Variants in GDPD1 observed in about 807,000 individuals in gnomAD.
GDPD1 encodes glycerophosphodiester phosphodiesterase domain containing 1.
GDPD1 carries 28 observed loss-of-function variants against 45.1 expected under a neutral mutation model. The observed-to-expected ratio is 0.62, with a 90% CI of 0.46 to 0.85. GDPD1 has a LOEUF of 0.85. GDPD1 is among the 40% of genes least tolerant of loss of function. The pLI is 0.00. For synonymous variants in GDPD1, 139 were observed against 131.4 expected (o/e 1.06, Z -0.40); for missense variants, 256 against 364.8 (o/e 0.70, Z 2.43).
intron 1 of GDPD1, among the ~76,000 whole-genome samples, chr17:59,229,193 G>A (rs369464304): frequency 1.0e-4 from 15 of 148,498 alleles, no homozygotes; most frequent in Middle Eastern, 7.0e-3. Flanking sequence ...TCGCTCTGTC[G>A]CCCAGGCTGG....
At chr17:59,253,069 G>T (rs1456016882) in intron 4 of GDPD1, among the ~76,000 whole-genome samples, 1 of 151,264 alleles carries the variant, frequency 6.6e-6, no homozygotes, top group Non-Finnish European at 1.5e-5. Context: ...TTTTTTTCAT[G>T]GAAAACACAA....
At chr17:59,250,876 T>G (rs905614545) in intron 4 of GDPD1, among the ~76,000 whole-genome samples, 2 of 152,066 alleles carry the variant, frequency 1.3e-5, no homozygotes, top group African/African-American at 4.8e-5. Flanking sequence ...ATTTTTGTAT[T>G]TTTAGTAGAG....
At chr17:59,263,417 T>C (rs1185367773) in intron 6 of GDPD1, among the ~76,000 whole-genome samples, 3 of 151,988 alleles carry the variant, frequency 2.0e-5, no homozygotes, top group Non-Finnish European at 4.4e-5. Flanking sequence ...CTCAATAAAA[T>C]TTGTCTTTCA....
intron 6 of GDPD1, among the ~76,000 whole-genome samples, chr17:59,264,247 G>T (rs923170245): frequency 6.6e-6 from 1 of 151,706 alleles, no homozygotes; most frequent in Non-Finnish European, 1.5e-5. Flanking sequence ...TGATCCACCC[G>T]CCTCAGCCTC....
intron 1 of GDPD1, among the ~76,000 whole-genome samples, chr17:59,229,639 A>C (rs578159710): frequency 1.2e-4 from 18 of 152,284 alleles, no homozygotes; most frequent in African/African-American, 3.9e-4. Context: ...CTGGGATTAC[A>C]GGCATGAGCC....
rs546977004 is a variant in GDPD1 at position 59,220,577 on chromosome 17, C to T, written c.-33C>T. 2 of 1,605,950 alleles carry T rather than the reference C, an allele frequency of 1.2e-6. No homozygotes were observed. The highest frequency in any genetic ancestry group is 2.2e-5 in the East Asian group (1 of 44,540). On this transcript the variant is annotated 5_prime_UTR_variant, in exon 1 of 10. Coordinates refer to ENST00000284116, the MANE Select transcript of GDPD1 (RefSeq NM_182569.4). ...CTGCCGCAGCGGAGTTCAGAGGGCC[C>T]GGAGGTGGGAGACTTCCCACACGGT...
In GDPD1 at chr17:59,257,811, T is replaced by C; in HGVS notation, c.547T>C (p.Tyr183His). 6.2e-7 allele frequency: 1 copy of C among 1,603,634 alleles called. No homozygotes were observed. Among genetic ancestry groups the C allele is most frequent in the Non-Finnish European group, 8.5e-7 (1 of 1,174,736 alleles). ...CTTAACAGTGTGGGGTAATGCCAAT[T>C]ATGAAATTGTAGAAAAGTGCTACAA... is the stretch of plus-strand genomic sequence containing the variant. ...EHLTVWGNAN[Y>H]EIVEKCYKEN... The change falls in exon 6 of 10, where the codon TAT (tyrosine) becomes CAT (histidine). Residue 183 changes from tyrosine to histidine, a missense_variant. Tyr to His is a moderately conservative substitution (Grantham distance 83, BLOSUM62 2). Transcript: ENST00000284116.
intron 8 of GDPD1, among the ~76,000 whole-genome samples, chr17:59,271,800 G>T (rs568137642): frequency 9.9e-5 from 15 of 151,540 alleles, no homozygotes; most frequent in African/African-American, 3.1e-4. Context: ...TGCCTGGTTA[G>T]TTTTTGTATT....
At chr17:59,240,409 C>A (rs77714473) in intron 2 of GDPD1, among the ~76,000 whole-genome samples, 1 of 151,752 alleles carries the variant, frequency 6.6e-6, no homozygotes, top group Admixed American at 6.6e-5. Context: ...GGTATTATTA[C>A]GAAAGAGTCA....
chr17:59,253,888 A>G (rs969917055), intron 4 of GDPD1, among the ~76,000 whole-genome samples: 5 of 152,008 alleles, frequency 3.3e-5, no homozygotes, highest in Non-Finnish European at 7.4e-5. Flanking sequence ...TATCACAACA[A>G]TGTGAGATGT....
At chr17:59,235,088 T>TTAA (rs1283808594) in intron 2 of GDPD1, among the ~76,000 whole-genome samples, 2 of 152,050 alleles carry the variant, frequency 1.3e-5, no homozygotes, top group Non-Finnish European at 2.9e-5. Flanking sequence ...TGAAAACTAA[T>TTAA]TAATACCTCG....
At chr17:59,234,360 C>CA (rs1472491452) in intron 1 of GDPD1, 132 bp from the exon 2 acceptor site, 42 of 602,538 alleles carry the variant, frequency 7.0e-5, no homozygotes, top group South Asian at 4.0e-4. Flanking sequence ...CAAAAAAACC[C>CA]AAAAAAACAC....
chr17:59,254,731 C>CT (rs2047283516), intron 4 of GDPD1, among the ~76,000 whole-genome samples: 1 of 152,280 alleles, frequency 6.6e-6, no homozygotes, highest in African/African-American at 2.4e-5. Context: ...TCAGACATGA[C>CT]TGATTCCAGT....
intron 6 of GDPD1, among the ~76,000 whole-genome samples, chr17:59,262,885 C>T (rs2047368669): frequency 6.6e-6 from 1 of 152,130 alleles, no homozygotes; most frequent in South Asian, 2.1e-4. Flanking sequence ...ACCTCGGCCT[C>T]CCACAGTGCT....
At chr17:59,267,666 G>GT (rs1306735883) in intron 7 of GDPD1, among the ~76,000 whole-genome samples, 1 of 150,814 alleles carries the variant, frequency 6.6e-6, no homozygotes. Flanking sequence ...TTTTATAGTG[G>GT]TTTTTTGTTT....
rs1262722265 is a variant in GDPD1, at chr17:59,275,815, GAAT to G, written c.*2048_*2050del. 2 of 152,178 alleles carry G rather than the reference GAAT, an allele frequency of 1.3e-5. No individual in the cohort carries two copies. Among genetic ancestry groups the G allele is most frequent in the Non-Finnish European group, 2.9e-5 (2 of 68,078 alleles). The allele number at this position is 152,178 out of a possible 1,614,324, so 9.4% of individuals were successfully genotyped here. On this transcript the variant is annotated 3_prime_UTR_variant, in exon 10 of 10. Transcript: ENST00000284116. ...CAGATTGTGAGGTAAATGTAATCTG[GAAT>G]AATAAGTGTCTTTTACCTAGATTAC...
intron 4 of GDPD1, among the ~76,000 whole-genome samples, chr17:59,255,326 TGTG>T (rs2047287847): frequency 6.6e-6 from 1 of 151,808 alleles, no homozygotes; most frequent in African/African-American, 2.4e-5. Context: ...GAGAGCCAGG[TGTG>T]GTGGCTCACA....
intron 3 of GDPD1, among the ~76,000 whole-genome samples, chr17:59,246,080 A>G (rs1337770157): frequency 1.3e-5 from 2 of 151,786 alleles, no homozygotes; most frequent in Non-Finnish European, 2.9e-5. Context: ...AGATTGCGCC[A>G]CTGCACTGCA....
intron 6 of GDPD1, among the ~76,000 whole-genome samples, chr17:59,262,119 A>G (rs1289217034): frequency 6.7e-6 from 1 of 150,222 alleles, no homozygotes; most frequent in Non-Finnish European, 1.5e-5. Context: ...ACGGGGTTTC[A>G]CCGTTTTAGC....
Sources: gnomAD v4.1 joint callset for allele counts (sites outside exome capture counted in the v4.1 genomes callset) on GRCh38, gnomAD v4.1.1 for gene constraint, MANE v1.5 for transcripts, NCBI Gene and HGNC (gene_info 2026-07-23, HGNC 2026-07-21) for gene names.